DYNC2H1: variants seen among roughly 807,000 people sequenced by gnomAD.
DYNC2H1 encodes the protein cytoplasmic dynein 2 heavy chain 1.
Under a neutral mutation model 570.0 loss-of-function variants are expected in DYNC2H1, and 410 were observed. That is an observed-to-expected ratio of 0.72 (90% confidence interval 0.66 to 0.78). The LOEUF is 0.78. Among genes scored for constraint, DYNC2H1 ranks in the 30% least tolerant of loss-of-function variants. The pLI is 0.00. For missense variants in DYNC2H1, 4,865 were observed against 5,046.4 expected, an observed-to-expected ratio of 0.96 and a Z score of 1.09; for synonymous variants, 1,688 against 1,677.6, an observed-to-expected ratio of 1.01 and a Z score of -0.15.
In DYNC2H1 at chr11:103,275,587, A is replaced by G. The variant is rs1865876126; in HGVS notation, c.10696-4761A>G. ...AAATTATATTCTAATTATATTTGTC[A>G]TATAATTGGAATCATACAGTATGTC... is the stretch of plus-strand genomic sequence containing the variant. On this transcript the variant is annotated intron_variant, in intron 70 of 88. Transcript: ENST00000375735. This position sits in a 1 kb window ranked among gnomAD's most constrained non-coding sequence, Gnocchi z 4.8. Among the ~76,000 whole-genome samples, 2 of 152,150 alleles carry G rather than the reference A, an allele frequency of 1.3e-5. No homozygotes were observed. The highest frequency in any genetic ancestry group is 2.1e-4 in the South Asian group (1 of 4,832).
rs1390478300 is a variant in DYNC2H1 at position 103,228,715 on chromosome 11, T to C, written c.9354-2545T>C. Among the ~76,000 whole-genome samples, 1 of 152,180 alleles carries C rather than the reference T, an allele frequency of 6.6e-6. No homozygotes were observed. Among genetic ancestry groups the C allele is most frequent in the African/African-American group, 2.4e-5 (1 of 41,428 alleles). ...CAAGAGTGCATCAGCTGTGGTCCTA[T>C]AGGGAGGATGCAAACTTGCCCTAGG... On this transcript the variant is annotated intron_variant, in intron 59 of 88. Transcript: ENST00000375735. This position sits in a 1 kb window ranked among gnomAD's most constrained non-coding sequence, Gnocchi z 6.1.
chr11:103,190,001 G>A (rs1312163267), intron 45 of DYNC2H1, among the ~76,000 whole-genome samples, 185 bp downstream of exon 45: 1 of 152,150 alleles, frequency 6.6e-6, no homozygotes, highest in Non-Finnish European at 1.5e-5. Flanking sequence ...CCATGGCACA[G>A]TTTCTAATAG....
chr11:103,135,488 A>T lies in DYNC2H1; in HGVS notation c.2206-7A>T, dbSNP rs1859488058. ...TTTAAATTAAAAATGTGAATGTAAC[A>T]TATTAGGGATTCCAAGCAAGTGACA... is the stretch of plus-strand genomic sequence containing the variant. On this transcript the variant is annotated splice_region_variant and splice_polypyrimidine_tract_variant and intron_variant, in intron 15 of 88. Transcript: ENST00000375735. The T allele has an allele frequency of 1.3e-6, 2 of 1,538,380 alleles. No individual in the cohort carries two copies. The highest frequency in any genetic ancestry group is 2.2e-5 in the Admixed American group (1 of 46,164).
intron 59 of DYNC2H1, among the ~76,000 whole-genome samples, chr11:103,231,036 T>C (rs886430028): frequency 6.6e-6 from 1 of 152,146 alleles, no homozygotes; most frequent in Non-Finnish European, 1.5e-5. Context: ...AATTTACACG[T>C]ATGAGTGTTT....
In DYNC2H1 at chr11:103,255,511, A is replaced by G. The variant is rs1865019643; in HGVS notation, c.10303A>G (p.Lys3435Glu). 6.4e-7 allele frequency: 1 copy of G among 1,558,092 alleles called. No individual in the cohort carries two copies. Residue 3435 changes from lysine (K) to glutamate (E), a missense_variant, in exon 67 of 89, where the codon AAG becomes GAG. Physicochemically the swap from Lys to Glu is moderately conservative, Grantham distance 56 (BLOSUM62 1). Transcript: ENST00000375735. Reference sequence around the variant, plus strand: ...AGAAGATAAGAAAATACAGCTAGCCAAGCTCGAAGAATCTCTTCTAGAGGT... The same window carrying G: ...AGAAGATAAGAAAATACAGCTAGCCGAGCTCGAAGAATCTCTTCTAGAGGT... ...QEEDKKIQLA[K>E]LEESLLETLA...
intron 55 of DYNC2H1, among the ~76,000 whole-genome samples, chr11:103,218,872 T>C (rs1428473101): frequency 6.6e-6 from 1 of 152,238 alleles, no homozygotes; most frequent in Admixed American, 6.5e-5. Flanking sequence ...TTTGGTATTT[T>C]GTAGAAAGCA....
At chr11:103,192,062 T>A in intron 46 of DYNC2H1, 35 bp from the exon 47 acceptor site, 1 of 1,387,290 alleles carries the variant, frequency 7.2e-7, no homozygotes, top group Non-Finnish European at 9.7e-7. Context: ...TAAAAATCAT[T>A]ATATTACAAT....
intron 82 of DYNC2H1, among the ~76,000 whole-genome samples, chr11:103,351,843 C>G (rs1305264347): frequency 6.6e-6 from 1 of 152,100 alleles, no homozygotes; most frequent in Non-Finnish European, 1.5e-5. Flanking sequence ...TTAAAGAATG[C>G]TAATAGAACT....
At position 103,187,436 on chromosome 11, in the gene DYNC2H1, A is replaced by C; in HGVS notation, c.6990A>C (p.Lys2330Asn). 1 of 1,613,344 alleles carries C rather than the reference A, an allele frequency of 6.2e-7. No individual in the cohort carries two copies. Among genetic ancestry groups the C allele is most frequent in the Non-Finnish European group, 8.5e-7 (1 of 1,179,460 alleles). Residue 2330 changes from lysine to asparagine, a missense_variant, in exon 43 of 89, where the codon AAA becomes AAC. Lys to Asn is a moderately conservative substitution (Grantham distance 94). Around this residue, in one of 5 missense-constraint regions of DYNC2H1, gnomAD observed 2,401 missense variants for 2,454.6 expected, o/e 0.98. Coordinates refer to ENST00000375735, the MANE Select transcript of DYNC2H1 (RefSeq NM_001377.3). ...AQTTSRHLLQ[K>N]LSQTCMVIST... ...CCACTTCTCGACATCTCCTGCAGAA[A>C]CTGAGCCAGACTTGCATGGTAATCA...
chr11:103,326,773 G>A lies in DYNC2H1; in HGVS notation c.12039+2783G>A, dbSNP rs965571041. ...AACAGATGTGCCCCAATCCTGTGGG[G>A]GAAGCCAGCCTGCTGTCTCTTGGCC... On this transcript the variant is annotated intron_variant, in intron 82 of 88. Transcript: ENST00000375735. This position sits in a 1 kb window ranked among gnomAD's most constrained non-coding sequence, Gnocchi z 6.1. Among the ~76,000 whole-genome samples, 1 of 152,214 alleles carries A rather than the reference G, an allele frequency of 6.6e-6. No individual in the cohort carries two copies. Among genetic ancestry groups the A allele is most frequent in the Non-Finnish European group, 1.5e-5 (1 of 68,036 alleles).
chr11:103,263,595 C>G (rs540341191), intron 70 of DYNC2H1, among the ~76,000 whole-genome samples: 1 of 152,090 alleles, frequency 6.6e-6, no homozygotes, highest in Non-Finnish European at 1.5e-5. Context: ...ACTGAACAAC[C>G]TGCTTCTGAA....
chr11:103,474,798 T>A (rs1945502637), intron 88 of DYNC2H1, among the ~76,000 whole-genome samples: 1 of 152,186 alleles, frequency 6.6e-6, no homozygotes, highest in South Asian at 2.1e-4. Flanking sequence ...ATATATAGGG[T>A]TTGGCACCAT....
chr11:103,135,359 C>A, intron 15 of DYNC2H1, 136 bp from the exon 16 acceptor site: 1 of 685,604 alleles, frequency 1.5e-6, no homozygotes, highest in Non-Finnish European at 2.2e-6. Flanking sequence ...CAAGGATGTA[C>A]CAGTTTTACA....
rs17100041 is a variant in DYNC2H1 at position 103,187,205 on chromosome 11, T to C, written c.6894-135T>C. The C allele has an allele frequency of 8.0e-3, 9,906 of 1,236,424 alleles. 636 individuals carry two copies. In the African/African-American group the frequency reaches 0.14, roughly 17 times the overall value. 76.6% of individuals were successfully genotyped at this position (1,236,424 alleles called of 1,614,324 possible). ...TTGATAGTTATGGAAGCCATATCTG[T>C]ATTTACCATTTTTCCTATCATCATA... On this transcript the variant is annotated intron_variant, in intron 42 of 88. Coordinates refer to ENST00000375735, the MANE Select transcript of DYNC2H1 (RefSeq NM_001377.3).
intron 70 of DYNC2H1, among the ~76,000 whole-genome samples, chr11:103,262,418 A>T (rs1591490631): frequency 6.6e-6 from 1 of 152,168 alleles, no homozygotes; most frequent in Non-Finnish European, 1.5e-5. Context: ...CCAAGGTTGA[A>T]ATGTAGGAAA....
intron 70 of DYNC2H1, among the ~76,000 whole-genome samples, chr11:103,269,470 G>C (rs1865619802): frequency 6.6e-6 from 1 of 152,174 alleles, no homozygotes; most frequent in African/African-American, 2.4e-5. Context: ...TTGTGTTGGT[G>C]ACAGCAGTAT....
Position 103,173,190 on chromosome 11 carries a change from G to T in DYNC2H1, c.5443G>T (p.Val1815Leu), listed in dbSNP as rs186344666. Residue 1815 changes from valine (V) to leucine (L), a missense_variant, in exon 35 of 89, where the codon GTA becomes TTA. Around this residue, in one of 5 missense-constraint regions of DYNC2H1, gnomAD observed 292 missense variants for 300.2 expected, o/e 0.97. Coordinates refer to ENST00000375735, the MANE Select transcript of DYNC2H1 (RefSeq NM_001377.3). ...PDNLKQLFRP[V>L]AMSHPDNELI... ...TAATCTTAAACAGCTTTTCAGGCCC[G>T]TAGCTATGTCTCATCCAGACAATGA... 1 of 1,600,046 alleles carries T rather than the reference G, an allele frequency of 6.2e-7. No individual in the cohort carries two copies.
At chr11:103,383,693 C>T (rs1941761584) in intron 83 of DYNC2H1, among the ~76,000 whole-genome samples, 1 of 151,958 alleles carries the variant, frequency 6.6e-6, no homozygotes, top group African/African-American at 2.4e-5. Context: ...CCAGGATGGT[C>T]TCCATCTCCT....
chr11:103,194,674 C>T (rs553327591), intron 47 of DYNC2H1, among the ~76,000 whole-genome samples: 1 of 152,048 alleles, frequency 6.6e-6, no homozygotes, highest in Non-Finnish European at 1.5e-5. Context: ...TGTATATCCT[C>T]TTTGGTGGAA....
Sources: allele counts gnomAD v4.1 joint callset (sites outside exome capture counted in the v4.1 genomes callset), GRCh38; gene constraint gnomAD v4.1.1; regional missense constraint gnomAD v4.1.1; non-coding constraint Gnocchi (gnomAD v3.1); transcripts MANE v1.5; gene names NCBI Gene and HGNC (gene_info 2026-07-23, HGNC 2026-07-21).